PGM2L1: variants seen among roughly 807,000 people sequenced by gnomAD.
The protein encoded by PGM2L1 is glucose 1,6-bisphosphate synthase.
A neutral mutation model predicts 73.4 loss-of-function variants in PGM2L1; 35 were observed. That is an observed-to-expected ratio of 0.48 (90% CI 0.36 to 0.63). The LOEUF is 0.63. PGM2L1 is among the 30% of genes least tolerant of loss of function. The probability of loss-of-function intolerance (pLI) is 0.00; values close to 1 mark genes in which losing one functional copy is unlikely to be tolerated. For missense variants in PGM2L1, 570 were observed against 742.0 expected (o/e 0.77, Z 2.69); for synonymous variants, 225 against 253.8 (o/e 0.89, Z 1.08).
Position 74,375,673 on chromosome 11 carries a change from C to T in PGM2L1, c.112-1091G>A, listed in dbSNP as rs149858816. Among the ~76,000 whole-genome samples, 60 of 152,174 alleles carry T rather than the reference C, an allele frequency of 3.9e-4. 1 individual carries two copies. Among genetic ancestry groups the T allele is most frequent in the Non-Finnish European group, 8.1e-4 (55 of 67,970 alleles). On this transcript the variant is annotated intron_variant, in intron 1 of 13. Coordinates refer to ENST00000298198, the MANE Select transcript of PGM2L1 (RefSeq NM_173582.6). ...TATACAATTTAAACAAAATGGTTTT[C>T]TGGTTATAGTAGAAATTAAAGTAAC...
chr11:74,355,848 G>C (rs535551663), intron 5 of PGM2L1: 154 of 432,156 alleles, frequency 3.6e-4, no homozygotes, highest in African/African-American at 2.7e-3. Flanking sequence ...GCTGCGACAA[G>C]ACATATTTTA....
At chr11:74,343,157 C>T in intron 10 of PGM2L1, 143 bp from the exon 11 acceptor site, 1 of 1,328,068 alleles carries the variant, frequency 7.5e-7, no homozygotes, top group Admixed American at 3.1e-5. Flanking sequence ...TTAGGGGACA[C>T]TTTCGTTCTT....
At position 74,374,069 on chromosome 11, in the gene PGM2L1, AAAAC is replaced by A. The variant is rs1286726638; in HGVS notation, c.279+342_279+345del. On this transcript the variant is annotated intron_variant, in intron 2 of 13. Coordinates refer to ENST00000298198, the MANE Select transcript of PGM2L1 (RefSeq NM_173582.6). ...TATAAAGCCAAAAAAAAAAAAAAAAAAAACCAGACTGAGAAAAAGTACACTTTTT... is the reference window on the plus strand; with the variant it reads ...TATAAAGCCAAAAAAAAAAAAAAAAACAGACTGAGAAAAAGTACACTTTTT... Among the ~76,000 whole-genome samples, 11 of 149,916 alleles carry A rather than the reference AAAAC, an allele frequency of 7.3e-5. 1 individual carries two copies. Among genetic ancestry groups the A allele is most frequent in the East Asian group, 4.0e-4 (2 of 5,050 alleles).
intron 5 of PGM2L1, among the ~76,000 whole-genome samples, chr11:74,352,058 A>C (rs536285652): frequency 6.6e-6 from 1 of 152,146 alleles, no homozygotes; most frequent in East Asian, 1.9e-4. Context: ...AATAAATATT[A>C]AAAGATATAG....
intron 1 of PGM2L1, among the ~76,000 whole-genome samples, chr11:74,393,822 C>G (rs1436038525): frequency 6.6e-6 from 1 of 152,132 alleles, no homozygotes; most frequent in African/African-American, 2.4e-5. Context: ...AGCCACTGAC[C>G]CCATCCACTT....
In PGM2L1 at chr11:74,376,234, C is replaced by A. The variant is rs73554614; in HGVS notation, c.112-1652G>T. On this transcript the variant is annotated intron_variant, in intron 1 of 13. Transcript: ENST00000298198. ...ATTATTAATATTACTATTGTGTAGA[C>A]GAAGAAACTAAGATTTAGAGAGGGA... Among the ~76,000 whole-genome samples, 33 of 151,672 alleles carry A rather than the reference C, an allele frequency of 2.2e-4. 1 individual carries two copies. Among genetic ancestry groups the A allele is most frequent in the Admixed American group, 2.2e-3 (33 of 15,236 alleles).
At chr11:74,378,476 C>G (rs558252188) in intron 1 of PGM2L1, among the ~76,000 whole-genome samples, 66 of 152,136 alleles carry the variant, frequency 4.3e-4, no homozygotes, top group African/African-American at 1.5e-3. Flanking sequence ...GCAGAAAATC[C>G]AAAAGATCTT....
chr11:74,380,266 G>A (rs1347627238), intron 1 of PGM2L1, among the ~76,000 whole-genome samples: 3 of 152,156 alleles, frequency 2.0e-5, no homozygotes, highest in Admixed American at 6.5e-5. Context: ...AGGGTAAGCC[G>A]ATTTGAAGAT....
chr11:74,349,478 T>G (rs1446729170), intron 6 of PGM2L1, among the ~76,000 whole-genome samples: 1 of 152,196 alleles, frequency 6.6e-6, no homozygotes. Context: ...CCCCAGTATC[T>G]TTGAAAGCTA....
In PGM2L1 at chr11:74,371,594, T is replaced by C. The variant is rs532889490; in HGVS notation, c.386+117A>G. On this transcript the variant is annotated intron_variant, in intron 3 of 13. Transcript: ENST00000298198. ...CAGCTTTAAAGTAAATATTAGCATG[T>C]GATCACATTTCTATCTGACAGTCTA... 8.5e-6 allele frequency: 6 copies of C among 708,108 alleles called. No homozygotes were observed. In the South Asian group the frequency reaches 1.1e-4, roughly 13 times the overall value. The allele number at this position is 708,108 out of a possible 1,614,324, so 43.9% of individuals were successfully genotyped here. A position where few individuals can be genotyped will look rare whatever the true frequency, so the allele number is the denominator to read the frequency against.
Position 74,331,490 on chromosome 11 carries a change from G to C in PGM2L1, c.*5162C>G, listed in dbSNP as rs1181408899. ...TCGGTCAGGCTAGTCTCAATCTCCC[G>C]ACCTCAGATGATCCACCTGCTTCGG... On this transcript the variant is annotated 3_prime_UTR_variant, in exon 14 of 14. Coordinates refer to ENST00000298198, the MANE Select transcript of PGM2L1 (RefSeq NM_173582.6). 6.6e-6 allele frequency: 1 copy of C among 152,164 alleles called. No individual in the cohort carries two copies. The highest frequency in any genetic ancestry group is 2.4e-5 in the African/African-American group (1 of 41,364). 9.4% of individuals were successfully genotyped at this position (152,164 alleles called of 1,614,324 possible).
At chr11:74,368,693 G>T in intron 4 of PGM2L1, 118 bp from the exon 5 acceptor site, 1 of 657,340 alleles carries the variant, frequency 1.5e-6, no homozygotes, top group South Asian at 2.3e-5. Flanking sequence ...TGCTTTTGTT[G>T]ATACCCTCTT....
chr11:74,396,152 G>A (rs192110611), intron 1 of PGM2L1, among the ~76,000 whole-genome samples: 1,558 of 151,602 alleles, frequency 0.01, 22 homozygotes, highest in Middle Eastern at 0.034. Context: ...CCAGCTACTC[G>A]GCAGGCTAAG....
chr11:74,376,569 TATGTGTATATACAC>T (rs1211742436), intron 1 of PGM2L1, among the ~76,000 whole-genome samples: 132 of 151,596 alleles, frequency 8.7e-4, no homozygotes, highest in African/African-American at 2.8e-3. Context: ...AATGAGTATA[TATGTGTATATACAC>T]ATTATGCATA....
intron 5 of PGM2L1, among the ~76,000 whole-genome samples, chr11:74,367,314 G>A (rs1459023901): frequency 6.6e-6 from 1 of 151,984 alleles, no homozygotes; most frequent in Non-Finnish European, 1.5e-5. Flanking sequence ...AAGAGATGTG[G>A]GTTCTTGGCT....
At chr11:74,396,485 G>T (rs1173113877) in intron 1 of PGM2L1, among the ~76,000 whole-genome samples, 1 of 151,266 alleles carries the variant, frequency 6.6e-6, no homozygotes, top group East Asian at 2.0e-4. Flanking sequence ...CGCGATCTCC[G>T]CTCACTGCAA....
At chr11:74,383,666 C>G (rs1266912701) in intron 1 of PGM2L1, among the ~76,000 whole-genome samples, 1 of 151,778 alleles carries the variant, frequency 6.6e-6, no homozygotes, top group African/African-American at 2.4e-5. Flanking sequence ...TCTCATTGTT[C>G]AGCTCCCACT....
intron 1 of PGM2L1, among the ~76,000 whole-genome samples, chr11:74,396,266 T>TAA: frequency 7.2e-6 from 1 of 139,652 alleles, no homozygotes; most frequent in South Asian, 2.4e-4. Flanking sequence ...AGACCCTGTT[T>TAA]AAAAAAAAAA....
At position 74,332,830 on chromosome 11, in the gene PGM2L1, C is replaced by T. The variant is rs562011181; in HGVS notation, c.*3822G>A. ...AGAACCTCTCCATCTGCTAACGTAT[C>T]TACATCAAAATAACAACATATATAT... On this transcript the variant is annotated 3_prime_UTR_variant, in exon 14 of 14. Transcript: ENST00000298198. 7 of 152,536 alleles carry T rather than the reference C, an allele frequency of 4.6e-5. No homozygotes were observed. The highest frequency in any genetic ancestry group is 8.8e-5 in the Non-Finnish European group (6 of 68,024). 9.4% of individuals were successfully genotyped at this position (152,536 alleles called of 1,614,324 possible).
Sources: gnomAD v4.1 joint callset for allele counts (sites outside exome capture counted in the v4.1 genomes callset) on GRCh38, gnomAD v4.1.1 for gene constraint, MANE v1.5 for transcripts, NCBI Gene and HGNC (gene_info 2026-07-23, HGNC 2026-07-21) for gene names.